WDPCP: variants seen among roughly 807,000 people sequenced by gnomAD.
WDPCP encodes the protein WD repeat containing planar cell polarity effector.
Under a neutral mutation model 93.1 loss-of-function variants are expected in WDPCP, and 71 were observed. The observed-to-expected ratio is 0.76, with a 90% CI of 0.63 to 0.93. WDPCP has a LOEUF of 0.93. WDPCP is among the 40% of genes least tolerant of loss of function. WDPCP has a pLI of 0.00. For synonymous variants in WDPCP, 315 were observed against 315.0 expected, an observed-to-expected ratio of 1.00 and a Z score of 0.00; for missense variants, 844 against 887.4, an observed-to-expected ratio of 0.95 and a Z score of 0.62.
At chr2:63,699,284 T>G (rs1669010641) in intron 2 of WDPCP, among the ~76,000 whole-genome samples, 1 of 152,218 alleles carries the variant, frequency 6.6e-6, no homozygotes, top group Non-Finnish European at 1.5e-5. Flanking sequence ...TCTGTAATGG[T>G]AGTACTTCAC....
chr2:63,239,760 G>A (rs906457748), intron 14 of WDPCP, among the ~76,000 whole-genome samples: 5 of 151,992 alleles, frequency 3.3e-5, no homozygotes, highest in Admixed American at 6.6e-5. Flanking sequence ...GCACTTTAAT[G>A]TTATGCTTTT....
At chr2:63,246,924 T>C (rs996355117) in intron 14 of WDPCP, among the ~76,000 whole-genome samples, 2 of 152,158 alleles carry the variant, frequency 1.3e-5, no homozygotes, top group African/African-American at 4.8e-5. Flanking sequence ...ATAATAGTGA[T>C]GATGAAACTG....
chr2:63,251,374 T>C (rs913801810), intron 14 of WDPCP, among the ~76,000 whole-genome samples: 16 of 149,070 alleles, frequency 1.1e-4, no homozygotes, highest in East Asian at 5.9e-4. Context: ...GTAGAGGAAA[T>C]AGATAAATTC....
chr2:63,295,645 C>T (rs1033109393), intron 13 of WDPCP, among the ~76,000 whole-genome samples: 1 of 151,762 alleles, frequency 6.6e-6, no homozygotes, highest in African/African-American at 2.4e-5. Context: ...CATATATACA[C>T]ACATAAACCA....
chr2:63,604,954 G>A (rs1709499548), intron 3 of WDPCP: 2 of 1,414,278 alleles, frequency 1.4e-6, no homozygotes, highest in East Asian at 2.3e-5. Context: ...CTTAAAGAGG[G>A]CAGGTCTTTC....
intron 2 of WDPCP, among the ~76,000 whole-genome samples, chr2:63,488,694 T>TA (rs1274405911): frequency 6.6e-6 from 1 of 151,948 alleles, no homozygotes; most frequent in Non-Finnish European, 1.5e-5. Flanking sequence ...AAGGCTTTTT[T>TA]AAAAAATCTA....
chr2:63,200,477 G>A (rs1037612922), intron 14 of WDPCP, among the ~76,000 whole-genome samples: 2 of 151,968 alleles, frequency 1.3e-5, no homozygotes, highest in African/African-American at 2.4e-5. Context: ...AAGAAAATGT[G>A]GTATATATAC....
intron 2 of WDPCP, among the ~76,000 whole-genome samples, chr2:63,738,088 C>T (rs1005167940): frequency 1.3e-5 from 2 of 152,146 alleles, no homozygotes; most frequent in African/African-American, 4.8e-5. Context: ...TGTAGCTGGT[C>T]TGGAGACATA....
chr2:63,288,082 A>G (rs565999371), intron 13 of WDPCP, among the ~76,000 whole-genome samples: 1 of 152,282 alleles, frequency 6.6e-6, no homozygotes, highest in East Asian at 1.9e-4. Context: ...AAGACAAACT[A>G]CCCAACAGTA....
chr2:63,834,480 G>C, the WDPCP span, among the ~76,000 whole-genome samples: 3 of 151,914 alleles, frequency 2.0e-5, no homozygotes, highest in African/African-American at 7.3e-5. Flanking sequence ...AGGTAATATA[G>C]ACCAGAATTT....
chr2:63,216,035 A>G (rs894167097), intron 14 of WDPCP, among the ~76,000 whole-genome samples: 4 of 152,238 alleles, frequency 2.6e-5, no homozygotes, highest in African/African-American at 9.6e-5. Context: ...TAGAATGGCG[A>G]TCATTAAAAA....
At chr2:63,262,058 T>C (rs1048160082) in intron 13 of WDPCP, among the ~76,000 whole-genome samples, 1 of 152,100 alleles carries the variant, frequency 6.6e-6, no homozygotes, top group Non-Finnish European at 1.5e-5. Flanking sequence ...AAGTTGAAAA[T>C]ATATACTTTT....
Position 63,550,894 on chromosome 2 carries a change from A to T in WDPCP, c.75+37303T>A, listed in dbSNP as rs544086337. Among the ~76,000 whole-genome samples, 28 of 152,234 alleles carry T rather than the reference A, an allele frequency of 1.8e-4. No homozygotes were observed. The East Asian group carries it at 5.2e-3, about 28-fold the overall frequency. ...CTTATAACGTTACTTACCAAGGACTAAAATTGAACTTCTCTTCACCAGGCA... is the reference window on the plus strand; with the variant it reads ...CTTATAACGTTACTTACCAAGGACTTAAATTGAACTTCTCTTCACCAGGCA... On this transcript the variant is annotated intron_variant, in intron 1 of 17. Coordinates refer to ENST00000272321, the MANE Select transcript of WDPCP (RefSeq NM_015910.7).
intron 3 of WDPCP, chr2:63,597,262 G>C (rs1709331725): frequency 1.6e-6 from 2 of 1,235,382 alleles, no homozygotes; most frequent in Non-Finnish European, 2.0e-6. Flanking sequence ...TCTTTCTCAG[G>C]CTCCTGAAAT....
chr2:63,239,530 G>T (rs1679694371), intron 14 of WDPCP, among the ~76,000 whole-genome samples: 1 of 152,138 alleles, frequency 6.6e-6, no homozygotes, highest in East Asian at 1.9e-4. Flanking sequence ...AAACATTTGT[G>T]AATAGAGATT....
intron 15 of WDPCP, among the ~76,000 whole-genome samples, chr2:63,166,589 C>T (rs759094233): frequency 2.0e-5 from 3 of 151,450 alleles, no homozygotes; most frequent in African/African-American, 4.9e-5. Flanking sequence ...GACAGGGTTT[C>T]GCCATATTTG....
At chr2:63,122,266 A>C (rs1669594643) in intron 17 of WDPCP, among the ~76,000 whole-genome samples, 1 of 152,212 alleles carries the variant, frequency 6.6e-6, no homozygotes, top group South Asian at 2.1e-4. Context: ...CTAGTCAAGA[A>C]ATAATAAGCA....
intron 14 of WDPCP, among the ~76,000 whole-genome samples, chr2:63,254,480 A>C (rs1049834874): frequency 6.6e-6 from 1 of 152,186 alleles, no homozygotes; most frequent in African/African-American, 2.4e-5. Context: ...AATGTTTGTC[A>C]CAGTACTTAA....
intron 13 of WDPCP, among the ~76,000 whole-genome samples, chr2:63,301,794 T>C (rs75133027): frequency 2.6e-5 from 4 of 151,098 alleles, no homozygotes; most frequent in African/African-American, 9.7e-5. Context: ...GGGATGCCTT[T>C]TTTTTTTTTT....
Sources: gnomAD v4.1 joint callset for allele counts (sites outside exome capture counted in the v4.1 genomes callset) on GRCh38, gnomAD v4.1.1 for gene constraint, MANE v1.5 for transcripts, NCBI Gene and HGNC (gene_info 2026-07-23, HGNC 2026-07-21) for gene names.